Variants in XRCC5 observed in about 807,000 individuals in gnomAD.
The protein encoded by XRCC5 is X-ray repair cross complementing 5, also known as DNA repair protein Ku80.
XRCC5 carries 12 observed loss-of-function variants against 95.7 expected under a neutral mutation model. That is an observed-to-expected ratio of 0.13 (90% confidence interval 0.08 to 0.20). XRCC5 has a LOEUF of 0.20. XRCC5 is among the 10% of genes least tolerant of loss of function. XRCC5 has a pLI of 1.00. For synonymous variants in XRCC5, 281 were observed against 290.3 expected (o/e 0.97, Z 0.33); for missense variants, 595 against 873.9 (o/e 0.68, Z 4.02).
At chr2:216,145,469 A>G (rs573634828) in intron 13 of XRCC5, among the ~76,000 whole-genome samples, 176 of 152,316 alleles carry the variant, frequency 1.2e-3, no homozygotes, top group African/African-American at 4.2e-3. Context: ...TTTTTCCTCT[A>G]ATCTTTTTCA....
At position 216,125,899 on chromosome 2, in the gene XRCC5, AT is replaced by A; in HGVS notation, c.684-17del. The A allele has an allele frequency of 1.3e-6, 2 of 1,598,124 alleles. No individual in the cohort carries two copies. The highest frequency in any genetic ancestry group is 1.7e-6 in the Non-Finnish European group (2 of 1,166,366). ...ATTTAAAAATTGTTGCTTTCATTTT[AT>A]ATTTTTCTTTATTAAGTGAGAGTCT... On this transcript the variant is annotated splice_polypyrimidine_tract_variant and intron_variant, in intron 6 of 20. Coordinates refer to ENST00000392132, the MANE Select transcript of XRCC5 (RefSeq NM_021141.4).
At chr2:216,114,310 T>G (rs1696644321) in intron 2 of XRCC5, among the ~76,000 whole-genome samples, 2 of 152,098 alleles carry the variant, frequency 1.3e-5, no homozygotes, top group African/African-American at 4.8e-5. Flanking sequence ...TTCTGTGTGT[T>G]TACACTTCCG....
chr2:216,161,335 C>T (rs2106027351), intron 15 of XRCC5, among the ~76,000 whole-genome samples: 1 of 152,170 alleles, frequency 6.6e-6, no homozygotes, highest in South Asian at 2.1e-4. Context: ...AGGGTTGGGG[C>T]CAGCAGATTA....
At chr2:216,195,327 G>A (rs55731062) in intron 19 of XRCC5, among the ~76,000 whole-genome samples, 1,593 of 106,128 alleles carry the variant, frequency 0.015, 20 homozygotes, top group African/African-American at 0.046. Flanking sequence ...TAGTTACTTG[G>A]TGAGCTTGTT....
chr2:216,113,169 G>T, intron 2 of XRCC5, 40 bp downstream of exon 2: 1 of 1,552,444 alleles, frequency 6.4e-7, no homozygotes, highest in South Asian at 1.1e-5. Context: ...ACCCATGTTT[G>T]AACTGCTTGT....
intron 18 of XRCC5, 39 bp from the exon 19 acceptor site, chr2:216,194,880 T>C: frequency 6.2e-7 from 1 of 1,601,166 alleles, no homozygotes. Flanking sequence ...TGGGGTTGAT[T>C]CTTTGTGTTT....
intron 16 of XRCC5, among the ~76,000 whole-genome samples, chr2:216,169,732 T>C (rs1689119838): frequency 6.6e-6 from 1 of 151,428 alleles, no homozygotes; most frequent in African/African-American, 2.4e-5. Flanking sequence ...GTGTCTAAAT[T>C]GCAAAAAGGA....
chr2:216,127,710 A>T, intron 8 of XRCC5, 36 bp downstream of exon 8: 2 of 1,556,620 alleles, frequency 1.3e-6, no homozygotes, highest in Non-Finnish European at 1.7e-6. Context: ...TGCCTAAAAG[A>T]CATTTTCTTC....
intron 14 of XRCC5, among the ~76,000 whole-genome samples, chr2:216,153,117 T>C (rs1169648859): frequency 6.6e-6 from 1 of 152,184 alleles, no homozygotes; most frequent in Admixed American, 6.5e-5. Flanking sequence ...CTTTCTCAGC[T>C]CTCATTCTCA....
At chr2:216,202,008 A>G (rs748226484) in intron 19 of XRCC5, among the ~76,000 whole-genome samples, 8 of 152,158 alleles carry the variant, frequency 5.3e-5, no homozygotes, top group Non-Finnish European at 2.9e-5. Context: ...AAAATGTAGG[A>G]TTTTTGTTGC....
intron 14 of XRCC5, among the ~76,000 whole-genome samples, chr2:216,154,898 T>G (rs781375752): frequency 2.0e-5 from 3 of 152,188 alleles, no homozygotes; most frequent in Non-Finnish European, 4.4e-5. Context: ...AAGAGGCATC[T>G]ATTCATAATC....
At chr2:216,165,050 A>G (rs1689029113) in intron 16 of XRCC5, among the ~76,000 whole-genome samples, 1 of 152,252 alleles carries the variant, frequency 6.6e-6, no homozygotes, top group Admixed American at 6.5e-5. Context: ...TAGTATTATT[A>G]TCTCCATTTT....
chr2:216,189,937 A>G (rs1689583578), intron 16 of XRCC5, among the ~76,000 whole-genome samples: 2 of 152,236 alleles, frequency 1.3e-5, no homozygotes, highest in Admixed American at 1.3e-4. Context: ...AAAAATAACT[A>G]CAACCTAGGT....
At chr2:216,121,326 G>A (rs939420494) in intron 5 of XRCC5, among the ~76,000 whole-genome samples, 1 of 152,212 alleles carries the variant, frequency 6.6e-6, no homozygotes, top group Admixed American at 6.5e-5. Flanking sequence ...CTTATTTTAA[G>A]TGTAGCAAAT....
intron 13 of XRCC5, among the ~76,000 whole-genome samples, chr2:216,141,540 C>CTTTCT (rs1559245237): frequency 1.5e-5 from 1 of 65,006 alleles, no homozygotes; most frequent in Non-Finnish European, 2.6e-5. Flanking sequence ...TCTTTCTTTT[C>CTTTCT]TTTTTTTTTT....
intron 16 of XRCC5, among the ~76,000 whole-genome samples, chr2:216,177,278 G>C (rs1002939175): frequency 3.3e-5 from 5 of 152,122 alleles, no homozygotes; most frequent in Admixed American, 1.3e-4. Context: ...TTTGAGTATT[G>C]AAAGTTATTC....
rs761390160 is a variant in XRCC5 at position 216,122,129 on chromosome 2, G to A, written c.559G>A (p.Gly187Ser). Reference sequence around the variant, plus strand: ...AGGAGATGGCCCCTTTCGCTTAGGTGGCCATGGGCCTTCCTTTCCACTAAA... The same window carrying A: ...AGGAGATGGCCCCTTTCGCTTAGGTAGCCATGGGCCTTCCTTTCCACTAAA... ...DRGDGPFRLG[G>S]HGPSFPLKGI... The change falls in exon 6 of 21, where the codon GGC becomes AGC. Residue 187 changes from glycine (G) to serine (S), a missense_variant. Gly to Ser is a moderately conservative substitution (Grantham distance 56). Coordinates refer to ENST00000392132, the MANE Select transcript of XRCC5 (RefSeq NM_021141.4). 6.2e-7 allele frequency: 1 copy of A among 1,614,162 alleles called. No individual in the cohort carries two copies. The highest frequency in any genetic ancestry group is 1.1e-5 in the South Asian group (1 of 91,082).
intron 16 of XRCC5, among the ~76,000 whole-genome samples, chr2:216,163,596 C>T (rs891511999): frequency 3.3e-5 from 5 of 152,112 alleles, no homozygotes; most frequent in African/African-American, 4.8e-5. Context: ...GCCACCGTGC[C>T]CGGCCCAAAA....
chr2:216,187,758 C>T (rs1689522965), intron 16 of XRCC5, among the ~76,000 whole-genome samples: 1 of 141,758 alleles, frequency 7.1e-6, no homozygotes, highest in Non-Finnish European at 1.5e-5. Flanking sequence ...AATCTCTTCT[C>T]TTAGTATCTG....
Sources: allele counts gnomAD v4.1 joint callset (sites outside exome capture counted in the v4.1 genomes callset), GRCh38; gene constraint gnomAD v4.1.1; transcripts MANE v1.5; gene names NCBI Gene and HGNC (gene_info 2026-07-23, HGNC 2026-07-21).